The following PRKG1 variants were observed in gnomAD, a reference collection of about 807,000 sequenced individuals.
PRKG1 encodes protein kinase cGMP-dependent 1.
A neutral mutation model predicts 88.1 loss-of-function variants in PRKG1; 35 were observed. That is an observed-to-expected ratio of 0.40 (90% CI 0.30 to 0.53). PRKG1 has a LOEUF of 0.53. Ranked by LOEUF, PRKG1 falls within the 20% of genes least tolerant of loss-of-function variation. The pLI is 0.59. For synonymous variants in PRKG1, 303 were observed against 292.5 expected (o/e 1.04, Z -0.37); for missense variants, 540 against 839.8 (o/e 0.64, Z 4.41).
At chr10:51,110,630 A>G (rs963933940) in intron 1 of PRKG1, among the ~76,000 whole-genome samples, 1 of 152,154 alleles carries the variant, frequency 6.6e-6, no homozygotes, top group African/African-American at 2.4e-5. Context: ...TTTCATTAGT[A>G]TAAACATATG....
At chr10:52,007,024 C>T (rs1589510217) in intron 5 of PRKG1, among the ~76,000 whole-genome samples, 1 of 152,044 alleles carries the variant, frequency 6.6e-6, no homozygotes. Flanking sequence ...TCCAACCAAA[C>T]TAAACTTCAT....
intron 5 of PRKG1, among the ~76,000 whole-genome samples, chr10:52,022,046 C>A (rs1845199858): frequency 6.6e-6 from 1 of 152,136 alleles, no homozygotes; most frequent in African/African-American, 2.4e-5. Context: ...GGTGTGAAAG[C>A]AATATGCATT....
chr10:51,993,879 C>T (rs866371298), intron 5 of PRKG1, among the ~76,000 whole-genome samples: 3 of 152,176 alleles, frequency 2.0e-5, no homozygotes, highest in African/African-American at 4.8e-5. Flanking sequence ...CTTCAGGACT[C>T]TCTCCTGTTC....
At chr10:51,116,081 T>G (rs7096925) in intron 1 of PRKG1, among the ~76,000 whole-genome samples, 120,612 of 151,482 alleles carry the variant, frequency 0.8, 48,572 homozygotes, top group South Asian at 0.88. Flanking sequence ...ATTTGGAGTT[T>G]TTTCTCAACT....
intron 2 of PRKG1, among the ~76,000 whole-genome samples, chr10:51,457,306 C>T (rs984481381): frequency 2.0e-5 from 3 of 152,110 alleles, no homozygotes; most frequent in African/African-American, 7.2e-5. Context: ...GACCATTATT[C>T]TAAGTGAAGT....
chr10:51,786,259 T>C (rs1411905347), intron 3 of PRKG1, among the ~76,000 whole-genome samples: 1 of 152,140 alleles, frequency 6.6e-6, no homozygotes, highest in Non-Finnish European at 1.5e-5. Flanking sequence ...CTGGTGGATC[T>C]GTTATTTCTC....
chr10:51,387,892 T>C (rs1837293646), intron 2 of PRKG1, among the ~76,000 whole-genome samples: 1 of 152,206 alleles, frequency 6.6e-6, no homozygotes, highest in South Asian at 2.1e-4. Flanking sequence ...TTATTAATAA[T>C]AAACATTTAA....
intron 2 of PRKG1, among the ~76,000 whole-genome samples, chr10:51,400,141 C>T (rs1837696780): frequency 6.6e-6 from 1 of 152,030 alleles, no homozygotes; most frequent in Non-Finnish European, 1.5e-5. Context: ...TACTATATAC[C>T]AGACACTCTT....
intron 2 of PRKG1, among the ~76,000 whole-genome samples, chr10:51,213,823 A>G (rs1187713535): frequency 6.6e-6 from 1 of 152,054 alleles, no homozygotes; most frequent in East Asian, 1.9e-4. Flanking sequence ...GTAATTTTTT[A>G]AGAAACTGAA....
intron 2 of PRKG1, among the ~76,000 whole-genome samples, chr10:51,220,358 TG>T (rs551691698): frequency 6.1e-4 from 93 of 152,342 alleles, no homozygotes; most frequent in Middle Eastern, 3.4e-3. Context: ...AAGTGAGTGT[TG>T]TTTTAAGCCA....
chr10:51,873,804 C>T (rs928911389), intron 4 of PRKG1, among the ~76,000 whole-genome samples: 1 of 152,218 alleles, frequency 6.6e-6, no homozygotes, highest in Non-Finnish European at 1.5e-5. Context: ...GCTGGGATTA[C>T]AGGCGTGAGC....
intron 2 of PRKG1, among the ~76,000 whole-genome samples, chr10:51,179,029 A>G (rs1024572413): frequency 6.6e-6 from 1 of 152,168 alleles, no homozygotes; most frequent in African/African-American, 2.4e-5. Flanking sequence ...GAGCAAATAT[A>G]TTTTGTTACT....
chr10:51,457,943 G>T (rs75043434), intron 2 of PRKG1, among the ~76,000 whole-genome samples: 4,999 of 152,130 alleles, frequency 0.033, 93 homozygotes, highest in Admixed American at 0.058. Flanking sequence ...CCCCCAACCT[G>T]CCCCAGGCCA....
chr10:51,743,765 T>TATATATATATATA (rs1837508225), intron 3 of PRKG1, among the ~76,000 whole-genome samples: 1 of 132,902 alleles, frequency 7.5e-6, no homozygotes, highest in Non-Finnish European at 1.6e-5. Context: ...TATATATATA[T>TATATATATATATA]TTAGTTGCCT....
At chr10:51,987,782 A>G (rs2133122061) in intron 5 of PRKG1, among the ~76,000 whole-genome samples, 1 of 152,164 alleles carries the variant, frequency 6.6e-6, no homozygotes, top group South Asian at 2.1e-4. Flanking sequence ...TTATTTGTGT[A>G]CATTTATCTA....
intron 2 of PRKG1, among the ~76,000 whole-genome samples, chr10:51,243,701 C>A (rs1839213919): frequency 6.6e-6 from 1 of 152,156 alleles, no homozygotes; most frequent in Non-Finnish European, 1.5e-5. Context: ...TTGGCAAGGT[C>A]TCTTTTCATA....
chr10:51,112,613 C>T (rs1845004428), intron 1 of PRKG1, among the ~76,000 whole-genome samples: 1 of 151,960 alleles, frequency 6.6e-6, no homozygotes, highest in Non-Finnish European at 1.5e-5. Context: ...TGAACTAGAT[C>T]TGGATGTATT....
chr10:52,039,930 T>A (rs1352528064), intron 5 of PRKG1, among the ~76,000 whole-genome samples: 1 of 152,104 alleles, frequency 6.6e-6, no homozygotes, highest in Non-Finnish European at 1.5e-5. Context: ...CCTAAATGAC[T>A]CTACCTTCAG....
chr10:51,205,270 G>C (rs771457655), intron 2 of PRKG1, among the ~76,000 whole-genome samples: 1 of 149,866 alleles, frequency 6.7e-6, no homozygotes, highest in Non-Finnish European at 1.5e-5. Flanking sequence ...TTCCAGAGTA[G>C]CTGAGACCAC....
Sources: allele counts gnomAD v4.1 joint callset (sites outside exome capture counted in the v4.1 genomes callset), GRCh38; gene constraint gnomAD v4.1.1; transcripts MANE v1.5; gene names NCBI Gene and HGNC (gene_info 2026-07-23, HGNC 2026-07-21).